The following COMMD10 variants were observed in gnomAD, a reference collection of about 807,000 sequenced individuals.
COMMD10 encodes COMM domain-containing protein 10.
COMMD10 carries 33 observed loss-of-function variants against 28.9 expected under a neutral mutation model. The observed-to-expected ratio is 1.14, with a 90% CI of 0.87 to 1.53. COMMD10 has a LOEUF of 1.53. Ranked by LOEUF, COMMD10 falls within the 40% of genes most tolerant of loss-of-function variation. The probability of loss-of-function intolerance (pLI) is 0.00; values close to 1 mark genes in which losing one functional copy is unlikely to be tolerated. For synonymous variants in COMMD10, 110 were observed against 81.7 expected (o/e 1.35, Z -1.87); for missense variants, 310 against 233.4 (o/e 1.33, Z -2.14).
At chr5:116,285,190 C>T (rs1324795633) in intron 5 of COMMD10, among the ~76,000 whole-genome samples, 1 of 151,880 alleles carries the variant, frequency 6.6e-6, no homozygotes, top group Non-Finnish European at 1.5e-5. Flanking sequence ...AATGGAGACC[C>T]ATATCATACA....
intron 5 of COMMD10, among the ~76,000 whole-genome samples, chr5:116,183,852 G>A (rs1005922162): frequency 2.5e-4 from 38 of 152,060 alleles, no homozygotes; most frequent in African/African-American, 8.4e-4. Context: ...CAGGCTATAC[G>A]TGAATAGAAT....
At chr5:116,140,518 T>C (rs966405334) in intron 5 of COMMD10, among the ~76,000 whole-genome samples, 11 of 151,878 alleles carry the variant, frequency 7.2e-5, no homozygotes, top group Non-Finnish European at 1.6e-4. Flanking sequence ...CCTTAATGGC[T>C]ATACCAATTT....
At chr5:116,279,788 T>G (rs1048292547) in intron 5 of COMMD10, among the ~76,000 whole-genome samples, 3 of 151,958 alleles carry the variant, frequency 2.0e-5, no homozygotes, top group Non-Finnish European at 4.4e-5. Context: ...GAGATTTGAT[T>G]ACATTTTTTC....
chr5:116,168,235 A>G (rs1189754418), intron 5 of COMMD10, among the ~76,000 whole-genome samples: 2 of 152,102 alleles, frequency 1.3e-5, no homozygotes, highest in African/African-American at 2.4e-5. Flanking sequence ...CAAAAAAGAC[A>G]AAGAAGGGCA....
intron 5 of COMMD10, among the ~76,000 whole-genome samples, chr5:116,144,947 A>G (rs74701638): frequency 0.015 from 2,280 of 151,972 alleles, 58 homozygotes; most frequent in African/African-American, 0.048. Flanking sequence ...ATATATTAAT[A>G]CATTTCTTGA....
chr5:116,262,477 A>G (rs1319905738), intron 5 of COMMD10, among the ~76,000 whole-genome samples: 2 of 151,736 alleles, frequency 1.3e-5, no homozygotes. Context: ...TACCAATACT[A>G]TACCAAGACA....
chr5:116,146,267 C>G (rs1752345962), intron 5 of COMMD10, among the ~76,000 whole-genome samples: 2 of 151,818 alleles, frequency 1.3e-5, no homozygotes, highest in Admixed American at 1.3e-4. Context: ...TCGTTGATCT[C>G]TTGCTTCCTT....
intron 2 of COMMD10, among the ~76,000 whole-genome samples, chr5:116,090,556 G>T (rs1030694267): frequency 6.6e-6 from 1 of 152,222 alleles, no homozygotes; most frequent in Non-Finnish European, 1.5e-5. Context: ...AGCCTGTTGA[G>T]ATAACAGTGC....
Position 116,242,481 on chromosome 5 carries a change from A to G in COMMD10, c.511-49036A>G, listed in dbSNP as rs182768777. Reference sequence around the variant, plus strand: ...GCAACCCTGAGGGTTTGACATTATTATTATCATCATCTTACAGGAAAGAGA... The same window carrying G: ...GCAACCCTGAGGGTTTGACATTATTGTTATCATCATCTTACAGGAAAGAGA... On this transcript the variant is annotated intron_variant, in intron 5 of 6. Transcript: ENST00000274458. Among the ~76,000 whole-genome samples the G allele has an allele frequency of 3.9e-5, 6 of 152,018 alleles. No individual in the cohort carries two copies. In the Admixed American group the frequency reaches 4.0e-4, roughly 10 times the overall value.
At position 116,169,043 on chromosome 5, in the gene COMMD10, A is replaced by G. The variant is rs554000778; in HGVS notation, c.510+34865A>G. Among the ~76,000 whole-genome samples, 10 of 152,328 alleles carry G rather than the reference A, an allele frequency of 6.6e-5. 1 individual carries two copies. In the South Asian group the frequency reaches 2.1e-3, roughly 32 times the overall value. The stretch of plus-strand genomic sequence containing the variant: ...TTCAAAAAATAAATTCATTCAAAAA[A>G]AAATCAATGAATCCAGGAGCTGTTT... On this transcript the variant is annotated intron_variant, in intron 5 of 6. Transcript: ENST00000274458.
intron 4 of COMMD10, among the ~76,000 whole-genome samples, chr5:116,120,282 T>C (rs878968260): frequency 6.6e-6 from 1 of 152,068 alleles, no homozygotes; most frequent in Admixed American, 6.5e-5. Context: ...CGTTCTCCCT[T>C]ATTGGGAGCT....
At chr5:116,229,982 A>G (rs1580566219) in intron 5 of COMMD10, among the ~76,000 whole-genome samples, 2 of 151,820 alleles carry the variant, frequency 1.3e-5, no homozygotes. Flanking sequence ...AAAAATCAAG[A>G]CTAGCTTACT....
chr5:116,193,537 G>C (rs146726027), intron 5 of COMMD10, among the ~76,000 whole-genome samples: 2,284 of 152,218 alleles, frequency 0.015, 57 homozygotes, highest in African/African-American at 0.048. Flanking sequence ...TCTTATGTCA[G>C]ACAAAACAAA....
At chr5:116,258,097 A>G (rs895731241) in intron 5 of COMMD10, among the ~76,000 whole-genome samples, 3 of 151,804 alleles carry the variant, frequency 2.0e-5, no homozygotes, top group Admixed American at 6.6e-5. Flanking sequence ...AGAAAAGCAA[A>G]TTCATATTGA....
intron 5 of COMMD10, among the ~76,000 whole-genome samples, chr5:116,259,654 T>G (rs1226595724): frequency 6.6e-6 from 1 of 151,792 alleles, no homozygotes; most frequent in Non-Finnish European, 1.5e-5. Flanking sequence ...TTGTACTATG[T>G]AGATTCTCAT....
At chr5:116,208,599 C>T (rs1345170579) in intron 5 of COMMD10, among the ~76,000 whole-genome samples, 1 of 152,112 alleles carries the variant, frequency 6.6e-6, no homozygotes, top group Non-Finnish European at 1.5e-5. Context: ...ACACTTGCAC[C>T]TTTAGTATTC....
intron 5 of COMMD10, among the ~76,000 whole-genome samples, chr5:116,190,982 C>CTGCT (rs1748351694): frequency 6.6e-6 from 1 of 152,138 alleles, no homozygotes; most frequent in African/African-American, 2.4e-5. Context: ...AAGCACTTTT[C>CTGCT]TACATTTTAC....
chr5:116,110,036 G>A (rs1293858109), intron 4 of COMMD10, among the ~76,000 whole-genome samples: 1 of 152,130 alleles, frequency 6.6e-6, no homozygotes, highest in East Asian at 1.9e-4. Flanking sequence ...ATATTATGAT[G>A]CATATTTCTT....
chr5:116,244,186 GT>G (rs2112666125), intron 5 of COMMD10, among the ~76,000 whole-genome samples: 1 of 152,162 alleles, frequency 6.6e-6, no homozygotes, highest in South Asian at 2.1e-4. Context: ...GTAGGGACTG[GT>G]AAAAGAAGAG....
Sources: gnomAD v4.1 joint callset for allele counts (sites outside exome capture counted in the v4.1 genomes callset) on GRCh38, gnomAD v4.1.1 for gene constraint, MANE v1.5 for transcripts, NCBI Gene and HGNC (gene_info 2026-07-23, HGNC 2026-07-21) for gene names.